ZFPM1: variants seen among roughly 807,000 people sequenced by gnomAD.
The protein encoded by ZFPM1 is zinc finger protein ZFPM1.
In ZFPM1, 28 loss-of-function variants were observed where a neutral mutation model predicts 46.3. That is an observed-to-expected ratio of 0.60 (90% CI 0.45 to 0.83). The LOEUF (loss-of-function observed/expected upper bound fraction) is 0.83, where lower values mean the gene tolerates loss of function less well. Ranked by LOEUF, ZFPM1 falls within the 40% of genes least tolerant of loss-of-function variation. The pLI is 0.00. For synonymous variants in ZFPM1, 957 were observed against 675.9 expected, an observed-to-expected ratio of 1.42 and a Z score of -6.45; for missense variants, 1,878 against 1,432.4, an observed-to-expected ratio of 1.31 and a Z score of -5.02.
At chr16:88,515,560 C>T (rs940241643) in intron 4 of ZFPM1, among the ~76,000 whole-genome samples, 6 of 152,228 alleles carry the variant, frequency 3.9e-5, no homozygotes, top group Non-Finnish European at 1.5e-5. Flanking sequence ...GCCCAGGGCA[C>T]CCCTGTCTGC....
intron 1 of ZFPM1, among the ~76,000 whole-genome samples, chr16:88,468,158 G>A (rs1239722082): frequency 4.8e-5 from 5 of 104,708 alleles, no homozygotes; most frequent in Admixed American, 1.2e-4. Context: ...TGACCCACCC[G>A]CGAGCCCACA....
chr16:88,524,373 C>G (rs1351977764), intron 4 of ZFPM1, among the ~76,000 whole-genome samples: 8 of 152,218 alleles, frequency 5.3e-5, no homozygotes, highest in Non-Finnish European at 1.2e-4. Flanking sequence ...GCAGAAGCCC[C>G]CATCGGAGCC....
intron 3 of ZFPM1, among the ~76,000 whole-genome samples, chr16:88,509,091 G>A (rs867808543): frequency 6.6e-6 from 1 of 152,196 alleles, no homozygotes; most frequent in Non-Finnish European, 1.5e-5. Context: ...TACAGGATGT[G>A]TTGGAAGCTG....
chr16:88,501,391 C>T (rs113121726), intron 3 of ZFPM1, among the ~76,000 whole-genome samples: 1 of 88,244 alleles, frequency 1.1e-5, no homozygotes, highest in Non-Finnish European at 2.2e-5. Flanking sequence ...GTGCGGGGCC[C>T]TCCCGCAGGT....
In ZFPM1 at chr16:88,502,065, C is replaced by CATTTATTT. The variant is rs763371544; in HGVS notation, c.269-12283_269-12276dup. 1.1e-3 allele frequency among the ~76,000 whole-genome samples: 82 copies of CATTTATTT among 72,938 alleles called. 1 individual carries two copies. The highest frequency in any genetic ancestry group is 2.3e-3 in the African/African-American group (45 of 19,660). 47.9% of individuals were successfully genotyped at this position (72,938 alleles called of 152,430 possible). On this transcript the variant is annotated intron_variant, in intron 3 of 9. Coordinates refer to ENST00000319555, the MANE Select transcript of ZFPM1 (RefSeq NM_153813.3). Reference sequence around the variant, plus strand: ...CGACGCGGCTCCACCCGCCCCCCCCCATTTATTTATTTATTTATTTATTTA... The same window carrying CATTTATTT: ...CGACGCGGCTCCACCCGCCCCCCCCCATTTATTTATTTATTTATTTATTTATTTATTTA...
chr16:88,534,699 C>T lies in ZFPM1; in HGVS notation c.2741C>T (p.Ser914Phe), dbSNP rs1006974091. ...PAPAASPQPG[S>F]RGPRDGLGPE... ...CCCGCCGCCTCCCCGCAGCCCGGGT[C>T]CCGTGGCCCCCGGGACGGCCTCGGC... Residue 914 changes from serine to phenylalanine, a missense_variant, in exon 10 of 10, where the codon TCC becomes TTC. Physicochemically the swap from Ser to Phe is radical, Grantham distance 155. Coordinates refer to ENST00000319555, the MANE Select transcript of ZFPM1 (RefSeq NM_153813.3). 1 of 981,862 alleles carries T rather than the reference C, an allele frequency of 1.0e-6. No homozygotes were observed. Among genetic ancestry groups the T allele is most frequent in the African/African-American group, 1.8e-5 (1 of 56,034 alleles). 60.8% of individuals were successfully genotyped at this position (981,862 alleles called of 1,614,324 possible).
intron 1 of ZFPM1, among the ~76,000 whole-genome samples, chr16:88,460,356 AC>A (rs1907762795): frequency 6.6e-6 from 1 of 152,064 alleles, no homozygotes; most frequent in Non-Finnish European, 1.5e-5. Context: ...AGGAAGGCAC[AC>A]TGGCAGTTCC....
chr16:88,482,152 C>T (rs1465336203), intron 1 of ZFPM1, among the ~76,000 whole-genome samples: 1 of 152,172 alleles, frequency 6.6e-6, no homozygotes, highest in African/African-American at 2.4e-5. Context: ...TAGGGGGGTT[C>T]TTTGCTAGCC....
At chr16:88,452,952 G>A (rs972410425), upstream of ZFPM1, among the ~76,000 whole-genome samples, 1 of 152,068 alleles carries the variant, frequency 6.6e-6, no homozygotes, top group African/African-American at 2.4e-5. Context: ...TCCCCGGGGC[G>A]CGGGCGGGGC....
intron 3 of ZFPM1, among the ~76,000 whole-genome samples, chr16:88,501,646 ATCGCGCAGGTGCTGGT>A (rs1910337699): frequency 1.0e-4 from 8 of 79,024 alleles, no homozygotes; most frequent in African/African-American, 4.2e-4. Context: ...TGCGTGGGCC[ATCGCGCAGGTGCTGGT>A]GATGATAGAG....
In ZFPM1 at chr16:88,533,856, A is replaced by G. The variant is rs1239609536; in HGVS notation, c.1898A>G (p.Asp633Gly). ...CCCCCCGGCCAGCCCGCCGAACCCG[A>G]CGCGCCGCGCTCGTCCCCGGGCCCC... is the stretch of plus-strand genomic sequence containing the variant. ...RAPPGQPAEPDAPRSSPGPGA... is the reference protein window; with the variant it reads ...RAPPGQPAEPGAPRSSPGPGA... Residue 633 changes from aspartate to glycine, a missense_variant, in exon 10 of 10, where the codon GAC (aspartate) becomes GGC (glycine). Transcript: ENST00000319555. 8.3e-5 allele frequency: 81 copies of G among 977,578 alleles called. 1 individual carries two copies. The East Asian group carries it at 5.8e-3, about 70-fold the overall frequency. 60.6% of individuals were successfully genotyped at this position (977,578 alleles called of 1,614,324 possible).
intron 1 of ZFPM1, among the ~76,000 whole-genome samples, chr16:88,484,065 C>T (rs909052163): frequency 6.6e-6 from 1 of 152,228 alleles, no homozygotes; most frequent in African/African-American, 2.4e-5. Context: ...CACCTCCGAC[C>T]AGCCCATCTC....
At chr16:88,492,430 A>C (rs1909632431) in intron 3 of ZFPM1, among the ~76,000 whole-genome samples, 1 of 152,058 alleles carries the variant, frequency 6.6e-6, no homozygotes, top group Non-Finnish European at 1.5e-5. Context: ...TCTGGGGTGG[A>C]GGGAGCACCA....
At chr16:88,509,877 C>T (rs901495694) in intron 3 of ZFPM1, among the ~76,000 whole-genome samples, 1 of 152,112 alleles carries the variant, frequency 6.6e-6, no homozygotes, top group Admixed American at 6.5e-5. Context: ...GCCACACGCG[C>T]GTCACGGAGG....
rs373927819 is a variant in ZFPM1 at position 88,521,258 on chromosome 16, T to G, written c.403-5556T>G. 2.0e-5 allele frequency among the ~76,000 whole-genome samples: 3 copies of G among 151,560 alleles called. No homozygotes were observed. The South Asian group carries it at 6.2e-4, about 32-fold the overall frequency. On this transcript the variant is annotated intron_variant, in intron 4 of 9. Coordinates refer to ENST00000319555, the MANE Select transcript of ZFPM1 (RefSeq NM_153813.3). Reference sequence around the variant, plus strand: ...CGCCTCCATGCTGTTCCCTCCTCCGTGCTGTGAAAACTAAAGGGAGAGTGG... The same window carrying G: ...CGCCTCCATGCTGTTCCCTCCTCCGGGCTGTGAAAACTAAAGGGAGAGTGG...
intron 1 of ZFPM1, among the ~76,000 whole-genome samples, chr16:88,484,781 G>T (rs1057405379): frequency 1.3e-5 from 2 of 152,172 alleles, no homozygotes; most frequent in African/African-American, 4.8e-5. Flanking sequence ...CACCAGCCCC[G>T]CCGGCGGATG....
intron 1 of ZFPM1, among the ~76,000 whole-genome samples, chr16:88,473,552 G>A (rs999819894): frequency 5.9e-5 from 9 of 152,162 alleles, no homozygotes; most frequent in African/African-American, 1.9e-4. Flanking sequence ...TCCCATGGCC[G>A]GGCCCATCCT....
intron 1 of ZFPM1, among the ~76,000 whole-genome samples, chr16:88,475,521 G>C (rs903491420): frequency 7.2e-5 from 11 of 151,950 alleles, no homozygotes; most frequent in African/African-American, 2.7e-4. Flanking sequence ...TCCGGGGGGG[G>C]GAGCACAGCC....
At position 88,495,055 on chromosome 16, in the gene ZFPM1, C is replaced by T. The variant is rs189994797; in HGVS notation, c.268+5902C>T. The stretch of plus-strand genomic sequence containing the variant: ...CGGGAGCAGCTCGGCCGTGGCTCAT[C>T]CTGCAGGCCCGTCCCATCGTGGGAT... On this transcript the variant is annotated intron_variant, in intron 3 of 9. Coordinates refer to ENST00000319555, the MANE Select transcript of ZFPM1 (RefSeq NM_153813.3). Among the ~76,000 whole-genome samples the T allele has an allele frequency of 3.7e-4, 56 of 152,342 alleles. 1 individual carries two copies. Among genetic ancestry groups the T allele is most frequent in the Admixed American group, 5.9e-4 (9 of 15,306 alleles).
Sources: allele counts gnomAD v4.1 joint callset (sites outside exome capture counted in the v4.1 genomes callset), GRCh38; gene constraint gnomAD v4.1.1; transcripts MANE v1.5; gene names NCBI Gene and HGNC (gene_info 2026-07-23, HGNC 2026-07-21).